Variants in SPTAN1 observed in about 807,000 individuals in gnomAD.
SPTAN1 encodes the protein spectrin alpha chain, non-erythrocytic 1.
SPTAN1 carries 61 observed loss-of-function variants against 331.3 expected under a neutral mutation model. The observed-to-expected ratio is 0.18, with a 90% CI of 0.15 to 0.23. The LOEUF is 0.23. Among genes scored for constraint, SPTAN1 ranks in the 10% least tolerant of loss-of-function variants. The pLI, the probability that SPTAN1 is intolerant of heterozygous loss-of-function variation, is 1.00. For missense variants in SPTAN1, 2,043 were observed against 3,147.9 expected (o/e 0.65, Z 8.40); for synonymous variants, 1,153 against 1,173.9 (o/e 0.98, Z 0.36).
chr9:128,601,060 T>C (rs1855086716), intron 27 of SPTAN1, among the ~76,000 whole-genome samples: 1 of 140,042 alleles, frequency 7.1e-6, no homozygotes, highest in Admixed American at 7.6e-5. Flanking sequence ...CTCAGCTCAC[T>C]GCAACCTCTG....
At chr9:128,580,838 G>A in intron 10 of SPTAN1, 84 bp from the exon 11 acceptor site, 1 of 1,594,652 alleles carries the variant, frequency 6.3e-7, no homozygotes, top group Non-Finnish European at 8.6e-7. Context: ...ACTAGGATTA[G>A]GAATTCCAGG....
chr9:128,580,338 CTTTTT>C (rs926205449), intron 10 of SPTAN1, among the ~76,000 whole-genome samples: 1 of 149,158 alleles, frequency 6.7e-6, no homozygotes, highest in Admixed American at 6.7e-5. Flanking sequence ...TTTTATTTTA[CTTTTT>C]TTATATGTGT....
At chr9:128,605,683 T>C (rs1430757500) in intron 31 of SPTAN1, among the ~76,000 whole-genome samples, 2 of 152,030 alleles carry the variant, frequency 1.3e-5, no homozygotes, top group African/African-American at 2.4e-5. Flanking sequence ...ATTTCTATTA[T>C]AAAATTTTAA....
intron 1 of SPTAN1, among the ~76,000 whole-genome samples, chr9:128,556,604 T>C (rs1268694839): frequency 6.6e-6 from 1 of 152,244 alleles, no homozygotes; most frequent in African/African-American, 2.4e-5. Flanking sequence ...TTTCTGGATT[T>C]TGATGCAATG....
chr9:128,560,497 C>T (rs1448559513), intron 1 of SPTAN1, among the ~76,000 whole-genome samples: 3 of 152,036 alleles, frequency 2.0e-5, no homozygotes, highest in African/African-American at 7.2e-5. Context: ...TCTCCAGCCC[C>T]AGCCTCCTGA....
rs752012743 is a variant in SPTAN1 at position 128,632,958 on chromosome 9, A to T, written c.7308+3A>T. On this transcript the variant is annotated splice_donor_region_variant and intron_variant, in intron 56 of 56. Transcript: ENST00000372739. Reference sequence around the variant, plus strand: ...TGACCAAGGAGGAGCTCTACCAGGTATGGGCCTCAGGAGGTGGGTGAAGAG... The same window carrying T: ...TGACCAAGGAGGAGCTCTACCAGGTTTGGGCCTCAGGAGGTGGGTGAAGAG... The T allele has an allele frequency of 6.2e-7, 1 of 1,611,672 alleles. No individual in the cohort carries two copies. The highest frequency in any genetic ancestry group is 1.1e-5 in the South Asian group (1 of 91,092).
At chr9:128,606,499 G>GC (rs1554756995) in intron 31 of SPTAN1, among the ~76,000 whole-genome samples, 21 of 145,492 alleles carry the variant, frequency 1.4e-4, no homozygotes, top group East Asian at 1.4e-3. Context: ...TTTTTTTTTG[G>GC]GGGGGGAAGC....
chr9:128,582,371 T>C (rs1350578791), intron 12 of SPTAN1, 108 bp from the exon 13 acceptor site: 37 of 952,242 alleles, frequency 3.9e-5, no homozygotes, highest in Non-Finnish European at 1.7e-6. Context: ...CCTTGACCTA[T>C]GTTAAAGTTT....
At chr9:128,607,501 A>G (rs1856045417) in intron 31 of SPTAN1, 103 bp from the exon 32 acceptor site, 1 of 1,034,580 alleles carries the variant, frequency 9.7e-7, no homozygotes, top group Non-Finnish European at 1.5e-6. Flanking sequence ...TTAACCCAAG[A>G]TAACTTTCTG....
At chr9:128,571,844 A>G (rs78695294) in intron 3 of SPTAN1, among the ~76,000 whole-genome samples, 4,213 of 152,026 alleles carry the variant, frequency 0.028, 197 homozygotes, top group African/African-American at 0.095. Flanking sequence ...AGTCACCACT[A>G]TTTGTTTTAT....
At chr9:128,599,036 T>C (rs199794676) in intron 26 of SPTAN1, 50 bp downstream of exon 26, 5 of 1,586,506 alleles carry the variant, frequency 3.2e-6, no homozygotes, top group South Asian at 2.2e-5. Flanking sequence ...AGGACTTAAA[T>C]CTTGGGAAGA....
intron 3 of SPTAN1, among the ~76,000 whole-genome samples, chr9:128,574,282 T>C (rs1283317048): frequency 6.7e-6 from 1 of 149,876 alleles, no homozygotes; most frequent in East Asian, 1.9e-4. Flanking sequence ...ATTAATAGTA[T>C]CAATTGTGTA....
rs1251099177 is a variant in SPTAN1, at chr9:128,625,925, A to G, written c.6226A>G (p.Asn2076Asp). The G allele has an allele frequency of 3.1e-6, 5 of 1,614,178 alleles. No homozygotes were observed. Among genetic ancestry groups the G allele is most frequent in the Non-Finnish European group, 4.2e-6 (5 of 1,180,024 alleles). The change falls in exon 48 of 57, where the codon AAC becomes GAC. Residue 2076 changes from asparagine to aspartate, a missense_variant. Asn to Asp is a conservative substitution (Grantham distance 23). Transcript: ENST00000372739. The surrounding 1 kb of genome is among the most constrained non-coding windows in gnomAD (Gnocchi z 4.1). ...LMKRWSQLLA[N>D]SAARKKKLLE... The stretch of plus-strand genomic sequence containing the variant: ...GAAGAGGTGGAGCCAGCTTCTGGCC[A>G]ACTCAGCCGCCCGCAAGAAGAAGCT...
At chr9:128,580,653 T>G (rs950006141) in intron 10 of SPTAN1, among the ~76,000 whole-genome samples, 2 of 152,158 alleles carry the variant, frequency 1.3e-5, no homozygotes, top group African/African-American at 4.8e-5. Flanking sequence ...GATGCCCTAT[T>G]TCTTCTACCT....
At chr9:128,575,737 C>G (rs553951462) in intron 5 of SPTAN1, among the ~76,000 whole-genome samples, 1 of 152,246 alleles carries the variant, frequency 6.6e-6, no homozygotes, top group South Asian at 2.1e-4. Context: ...TTATTTGAAG[C>G]TTCCCTGGGC....
At position 128,602,341 on chromosome 9, in the gene SPTAN1, C is replaced by T. The variant is rs897893633; in HGVS notation, c.3580-1202C>T. 9.9e-5 allele frequency among the ~76,000 whole-genome samples: 15 copies of T among 151,708 alleles called. 1 individual carries two copies. Among genetic ancestry groups the T allele is most frequent in the African/African-American group, 2.9e-4 (12 of 41,244 alleles). ...AAGCAATTCTCCCACCTCAGCCTCC[C>T]GTGTAGCTAGGATTACAGGCACCCG... On this transcript the variant is annotated intron_variant, in intron 27 of 56. Transcript: ENST00000372739.
At chr9:128,571,192 A>C (rs1850683493) in intron 3 of SPTAN1, among the ~76,000 whole-genome samples, 2 of 151,544 alleles carry the variant, frequency 1.3e-5, no homozygotes, top group African/African-American at 4.8e-5. Context: ...GGGGAGGCTG[A>C]GGTGGGAGGA....
chr9:128,580,839 G>T (rs1851852486), intron 10 of SPTAN1, 83 bp from the exon 11 acceptor site: 4 of 1,595,676 alleles, frequency 2.5e-6, no homozygotes, highest in Non-Finnish European at 3.4e-6. Flanking sequence ...CTAGGATTAG[G>T]AATTCCAGGA....
Position 128,581,899 on chromosome 9 carries a change from C to T in SPTAN1, c.1572+7C>T. ...CCAGGAGGAAAAGATTACAGTAAGA[C>T]CCCTTCTTGTCAGTGCTTTCAAATG... On this transcript the variant is annotated splice_region_variant and intron_variant, in intron 12 of 56. Transcript: ENST00000372739. 1 of 1,587,616 alleles carries T rather than the reference C, an allele frequency of 6.3e-7. No homozygotes were observed. The highest frequency in any genetic ancestry group is 1.3e-5 in the African/African-American group (1 of 74,542).
Sources: allele counts gnomAD v4.1 joint callset (sites outside exome capture counted in the v4.1 genomes callset), GRCh38; gene constraint gnomAD v4.1.1; non-coding constraint Gnocchi (gnomAD v3.1); transcripts MANE v1.5; gene names NCBI Gene and HGNC (gene_info 2026-07-23, HGNC 2026-07-21).